The following PTPN3 variants were observed in gnomAD, a reference collection of about 807,000 sequenced individuals.
PTPN3 encodes the protein tyrosine-protein phosphatase non-receptor type 3.
A neutral mutation model predicts 132.7 loss-of-function variants in PTPN3; 96 were observed. That is an observed-to-expected ratio of 0.72 (90% CI 0.61 to 0.86). The LOEUF is 0.86. Among genes scored for constraint, PTPN3 ranks in the 40% least tolerant of loss-of-function variants. The pLI is 0.00. For synonymous variants in PTPN3, 398 were observed against 429.0 expected, an observed-to-expected ratio of 0.93 and a Z score of 0.89; for missense variants, 1,125 against 1,159.6, an observed-to-expected ratio of 0.97 and a Z score of 0.43.
Position 109,378,941 on chromosome 9 carries a change from AC to A in PTPN3, c.*614del, listed in dbSNP as rs990209790. On this transcript the variant is annotated 3_prime_UTR_variant, in exon 26 of 26. Transcript: ENST00000374541. ...GCACCAAGAGGGAACCTGAAGAGGG[AC>A]ACAATTCTCAGAAACATGAATATTG... 1 of 152,550 alleles carries A rather than the reference AC, an allele frequency of 6.6e-6. No homozygotes were observed. Among genetic ancestry groups the A allele is most frequent in the Non-Finnish European group, 1.5e-5 (1 of 68,228 alleles). 9.4% of individuals were successfully genotyped at this position (152,550 alleles called of 1,614,324 possible). A position where few individuals can be genotyped will look rare whatever the true frequency, so the allele number is the denominator to read the frequency against.
Position 109,383,491 on chromosome 9 carries a change from T to C in PTPN3, c.2314A>G (p.Ile772Val). The part of the protein sequence containing the change: ...PDVMNHGGFH[I>V]QCQSEDCTIA... ...GTGCAGTCCTCTGACTGACACTGGA[T>C]GTGAAAGCCGCCGTGGTTCATGACG... The change falls in exon 23 of 26, where the codon ATC (isoleucine) becomes GTC (valine). Residue 772 changes from isoleucine to valine, a missense_variant. Physicochemically the swap from Ile to Val is conservative, Grantham distance 29. Coordinates refer to ENST00000374541, the MANE Select transcript of PTPN3 (RefSeq NM_002829.4). 6.2e-7 allele frequency: 1 copy of C among 1,613,694 alleles called. No homozygotes were observed. Among genetic ancestry groups the C allele is most frequent in the South Asian group, 1.1e-5 (1 of 91,064 alleles).
chr9:109,421,138 A>G (rs569367226), intron 13 of PTPN3, among the ~76,000 whole-genome samples: 2 of 152,304 alleles, frequency 1.3e-5, no homozygotes, highest in East Asian at 1.9e-4. Flanking sequence ...TATGCATTAG[A>G]TGGGCATATA....
In PTPN3 at chr9:109,391,544, C is replaced by A; in HGVS notation, c.1971G>T (p.Lys657Asn). The change falls in exon 20 of 26, where the codon AAG becomes AAT. Residue 657 changes from lysine to asparagine, a missense_variant. Physicochemically the swap from Lys to Asn is moderately conservative, Grantham distance 94. Transcript: ENST00000374541. ...LIQFEQLYRK[K>N]PGLAITFAKL... is the part of the protein sequence containing the mutation. ...TTGCAAACGTGATGGCCAAACCTGG[C>A]TTTTTTCTGTAGAGTTGCTATGTGA... The A allele has an allele frequency of 6.2e-7, 1 of 1,613,686 alleles. No homozygotes were observed. The highest frequency in any genetic ancestry group is 8.5e-7 in the Non-Finnish European group (1 of 1,179,732).
intron 18 of PTPN3, 22 bp from the exon 19 acceptor site, chr9:109,404,630 A>G: frequency 7.0e-7 from 1 of 1,436,210 alleles, no homozygotes; most frequent in Non-Finnish European, 9.3e-7. Flanking sequence ...AAGACAGTGC[A>G]TCTGACTTGT....
the PTPN3 span, among the ~76,000 whole-genome samples, chr9:109,531,415 T>C: frequency 9.1e-4 from 139 of 152,298 alleles, 1 homozygote; most frequent in African/African-American, 3.2e-3. Context: ...TTAACCCTGA[T>C]CATGCCAAAA....
chr9:109,435,586 A>G (rs1843986127), intron 9 of PTPN3, among the ~76,000 whole-genome samples: 1 of 152,204 alleles, frequency 6.6e-6, no homozygotes, highest in Non-Finnish European at 1.5e-5. Context: ...AGGGGTTTTT[A>G]GTTCACGTAG....
chr9:109,511,401 T>C, the PTPN3 span: 1 of 153,152 alleles, frequency 6.5e-6, no homozygotes, highest in South Asian at 2.1e-4. Flanking sequence ...AGTGACTCTC[T>C]GGTGTCTACA....
At chr9:109,449,710 C>T (rs1436107044) in intron 5 of PTPN3, 4 of 985,292 alleles carry the variant, frequency 4.1e-6, no homozygotes, top group Non-Finnish European at 4.8e-6. Context: ...ATAGACATTC[C>T]ATTGTCTGGC....
chr9:109,480,874 T>G (rs1846924393), intron 1 of PTPN3, among the ~76,000 whole-genome samples: 1 of 152,080 alleles, frequency 6.6e-6, no homozygotes, highest in Non-Finnish European at 1.5e-5. Context: ...CAACAGGTGC[T>G]CAATAATTCA....
At chr9:109,535,799 A>C in the PTPN3 span, among the ~76,000 whole-genome samples, 1 of 152,078 alleles carries the variant, frequency 6.6e-6, no homozygotes, top group Non-Finnish European at 1.5e-5. Context: ...GAGCCACTGC[A>C]CCTGGACATA....
intron 1 of PTPN3, among the ~76,000 whole-genome samples, chr9:109,478,783 T>G: frequency 6.6e-6 from 1 of 152,182 alleles, no homozygotes; most frequent in East Asian, 1.9e-4. Flanking sequence ...GCAACTCCCA[T>G]GACCCAGGAG....
chr9:109,459,230 G>A (rs10816816), intron 2 of PTPN3, among the ~76,000 whole-genome samples: 2 of 152,130 alleles, frequency 1.3e-5, no homozygotes, highest in East Asian at 1.9e-4. Flanking sequence ...TCATCTTCAC[G>A]GCACCAGGTC....
At chr9:109,408,416 T>C in intron 16 of PTPN3, 39 bp from the exon 17 acceptor site, 1 of 1,464,444 alleles carries the variant, frequency 6.8e-7, no homozygotes, top group East Asian at 2.4e-5. Context: ...CAAAGTTTTT[T>C]AAGTTAAACA....
At chr9:109,395,216 T>C (rs1335022893) in intron 19 of PTPN3, among the ~76,000 whole-genome samples, 1 of 151,914 alleles carries the variant, frequency 6.6e-6, no homozygotes, top group Non-Finnish European at 1.5e-5. Context: ...ACTTTGGTTA[T>C]TTCTGAATTA....
At position 109,426,876 on chromosome 9, in the gene PTPN3, T is replaced by C. The variant is rs991874522; in HGVS notation, c.1001+74A>G. On this transcript the variant is annotated intron_variant, in intron 12 of 25. Coordinates refer to ENST00000374541, the MANE Select transcript of PTPN3 (RefSeq NM_002829.4). ...GGGTTTCCTCCTCTGCCTAACAATGTCCTCTATTCACTGATGACCAGGATG... is the reference window on the plus strand; with the variant it reads ...GGGTTTCCTCCTCTGCCTAACAATGCCCTCTATTCACTGATGACCAGGATG... 8.1e-5 allele frequency: 118 copies of C among 1,457,312 alleles called. 2 individuals carry two copies. The Admixed American group carries it at 2.1e-3, about 26-fold the overall frequency. The allele number at this position is 1,457,312 out of a possible 1,614,324, so 90.3% of individuals were successfully genotyped here.
intron 1 of PTPN3, among the ~76,000 whole-genome samples, chr9:109,492,222 A>G (rs992869396): frequency 1.3e-5 from 2 of 151,996 alleles, no homozygotes; most frequent in Non-Finnish European, 2.9e-5. Context: ...TGCCTCCCTC[A>G]CCGAGAACCT....
At chr9:109,532,462 T>TG in the PTPN3 span, among the ~76,000 whole-genome samples, 6 of 152,082 alleles carry the variant, frequency 3.9e-5, no homozygotes, top group Non-Finnish European at 8.8e-5. Flanking sequence ...GTTGACTTTT[T>TG]GAAAAAATCA....
chr9:109,422,938 T>A, intron 12 of PTPN3, 86 bp from the exon 13 acceptor site: 1 of 1,489,658 alleles, frequency 6.7e-7, no homozygotes, highest in Non-Finnish European at 9.2e-7. Context: ...CTACACATGC[T>A]TCTTGTCTGA....
chr9:109,533,445 C>G, the PTPN3 span: 1 of 1,471,914 alleles, frequency 6.8e-7, no homozygotes, highest in Non-Finnish European at 9.4e-7. Context: ...CGCACCTGGC[C>G]GGTTTAGGGT....
Sources: allele counts gnomAD v4.1 joint callset (sites outside exome capture counted in the v4.1 genomes callset), GRCh38; gene constraint gnomAD v4.1.1; transcripts MANE v1.5; gene names NCBI Gene and HGNC (gene_info 2026-07-23, HGNC 2026-07-21).